The following ARHGEF10 variants were observed in gnomAD, a reference collection of about 807,000 sequenced individuals.
ARHGEF10 encodes the protein Rho guanine nucleotide exchange factor (GEF) 10.
Under a neutral mutation model 147.4 loss-of-function variants are expected in ARHGEF10, and 140 were observed. The observed-to-expected ratio is 0.95, with a 90% CI of 0.83 to 1.09. The LOEUF is 1.09. Among genes scored for constraint, ARHGEF10 ranks in the 50% least tolerant of loss-of-function variants. The pLI, the probability that ARHGEF10 is intolerant of heterozygous loss-of-function variation, is 0.00. For missense variants in ARHGEF10, 2,222 were observed against 1,752.7 expected, an observed-to-expected ratio of 1.27 and a Z score of -4.78; for synonymous variants, 902 against 695.8, an observed-to-expected ratio of 1.30 and a Z score of -4.67.
chr8:1,905,213 G>A (rs1370782248), intron 16 of ARHGEF10, among the ~76,000 whole-genome samples: 3 of 152,030 alleles, frequency 2.0e-5, no homozygotes, highest in African/African-American at 7.3e-5. Context: ...CTGAAGAACT[G>A]ATGGTTTTGC....
rs1810193682 is a variant in ARHGEF10, at chr8:1,898,455, A to G, written c.1580A>G (p.Asp527Gly). The G allele has an allele frequency of 3.1e-6, 5 of 1,613,914 alleles. No individual in the cohort carries two copies. The South Asian group carries it at 5.5e-5, about 18-fold the overall frequency. The change falls in exon 15 of 29, where the codon GAT becomes GGT. Residue 527 changes from aspartate (D) to glycine (G), a missense_variant. Coordinates refer to ENST00000349830, the MANE Select transcript of ARHGEF10 (RefSeq NM_014629.4). Reference sequence around the variant, plus strand: ...CAGCAGGAACAGGAGGCCAGCCCCGATCGAACCACGCTCTACAGCCTGATG... The same window carrying G: ...CAGCAGGAACAGGAGGCCAGCCCCGGTCGAACCACGCTCTACAGCCTGATG... ...FLKQEQEASP[D>G]RTTLYSLMMK...
chr8:1,928,470 C>G lies in ARHGEF10; in HGVS notation c.2741C>G (p.Ser914Trp). The change falls in exon 24 of 29, where the codon TCG (serine) becomes TGG (tryptophan). Residue 914 changes from serine to tryptophan, a missense_variant. By Grantham distance (177) the Ser-to-Trp change is radical (BLOSUM62 -3). Coordinates refer to ENST00000349830, the MANE Select transcript of ARHGEF10 (RefSeq NM_014629.4). ...THQMGQIAIV[S>W]FQNSTPKVIE... ...CAAATGGGTCAGATTGCCATCGTCT[C>G]GTTTCAAAATTCCACTCCCAAAGTC... The G allele has an allele frequency of 6.2e-7, 1 of 1,614,040 alleles. No homozygotes were observed. The highest frequency in any genetic ancestry group is 8.5e-7 in the Non-Finnish European group (1 of 1,180,000).
intron 19 of ARHGEF10, 74 bp downstream of exon 19, chr8:1,923,153 C>G: frequency 1.8e-6 from 2 of 1,117,590 alleles, no homozygotes; most frequent in Non-Finnish European, 2.7e-6. Flanking sequence ...ATTATATCTC[C>G]AAGTTCTACC....
intron 17 of ARHGEF10, among the ~76,000 whole-genome samples, chr8:1,906,675 A>C: frequency 6.6e-6 from 1 of 152,116 alleles, no homozygotes; most frequent in East Asian, 1.9e-4. Flanking sequence ...TGAACTCTGA[A>C]AATTACCCTC....
At chr8:1,875,697 A>G (rs1048213686) in intron 7 of ARHGEF10, among the ~76,000 whole-genome samples, 29 of 152,218 alleles carry the variant, frequency 1.9e-4, no homozygotes, top group African/African-American at 7.0e-4. Flanking sequence ...AGGATAGGGT[A>G]ATTTGAAATA....
chr8:1,898,220 G>A (rs965049355), intron 14 of ARHGEF10, among the ~76,000 whole-genome samples: 10 of 152,212 alleles, frequency 6.6e-5, no homozygotes, highest in Non-Finnish European at 1.2e-4. Context: ...AGGCCAACGT[G>A]TGAGGTCGGG....
chr8:1,888,173 G>A (rs118144551), intron 11 of ARHGEF10, among the ~76,000 whole-genome samples: 1 of 13,136 alleles, frequency 7.6e-5, no homozygotes, highest in African/African-American at 4.1e-4. Context: ...CGAGGAGACA[G>A]TGAGTGGGGT....
chr8:1,916,684 A>G (rs1235417805), intron 18 of ARHGEF10, among the ~76,000 whole-genome samples: 1 of 152,218 alleles, frequency 6.6e-6, no homozygotes, highest in East Asian at 1.9e-4. Context: ...TTTCCATGTT[A>G]GAAAACTACT....
chr8:1,957,078 C>G lies in ARHGEF10; in HGVS notation c.3850C>G (p.Leu1284Val), dbSNP rs1316944359. Residue 1284 changes from leucine to valine, a missense_variant, in exon 29 of 29, where the codon CTC (leucine) becomes GTC (valine). Coordinates refer to ENST00000349830, the MANE Select transcript of ARHGEF10 (RefSeq NM_014629.4). ...HRSEDSTIYDLLKDPVSLRSK... is the reference protein window; with the variant it reads ...HRSEDSTIYDVLKDPVSLRSK... ...ATCAGAGGACAGCACCATCTATGAT[C>G]TCCTGAAGGATCCTGTCTCGCTGAG... is the stretch of plus-strand genomic sequence containing the variant. The G allele has an allele frequency of 6.2e-7, 1 of 1,613,606 alleles. No homozygotes were observed. Among genetic ancestry groups the G allele is most frequent in the Non-Finnish European group, 8.5e-7 (1 of 1,180,034 alleles).
intron 2 of ARHGEF10, among the ~76,000 whole-genome samples, chr8:1,851,008 A>G (rs1398497808): frequency 6.8e-6 from 1 of 146,948 alleles, no homozygotes; most frequent in Non-Finnish European, 1.5e-5. Context: ...TTATACAGTA[A>G]CAAGCTCAGG....
intron 1 of ARHGEF10, among the ~76,000 whole-genome samples, chr8:1,827,307 A>T (rs894770940): frequency 6.6e-6 from 1 of 152,150 alleles, no homozygotes; most frequent in African/African-American, 2.4e-5. Flanking sequence ...AAATTTTGAT[A>T]AAAAAGTGAT....
chr8:1,849,076 G>A (rs1350979348), intron 2 of ARHGEF10, among the ~76,000 whole-genome samples: 1 of 152,156 alleles, frequency 6.6e-6, no homozygotes, highest in African/African-American at 2.4e-5. Flanking sequence ...CCTAGACACC[G>A]CTCCCCACCC....
In ARHGEF10 at chr8:1,928,552, G is replaced by A; in HGVS notation, c.2823G>A (p.Glu941=). ...RILCMLYVPV[E]EKRREPGAPP... is the part of the protein sequence containing the mutation. ...TGTGCATGCTGTACGTTCCCGTCGAGGAGAAGCGCAGAGAGCCTGGGGCAC... is the reference window on the plus strand; with the variant it reads ...TGTGCATGCTGTACGTTCCCGTCGAAGAGAAGCGCAGAGAGCCTGGGGCAC... The change falls in exon 24 of 29, where the codon GAG becomes GAA. Residue 941 remains glutamate (E), a synonymous_variant. Coordinates refer to ENST00000349830, the MANE Select transcript of ARHGEF10 (RefSeq NM_014629.4). 1 of 1,614,222 alleles carries A rather than the reference G, an allele frequency of 6.2e-7. No individual in the cohort carries two copies. Among genetic ancestry groups the A allele is most frequent in the Non-Finnish European group, 8.5e-7 (1 of 1,180,052 alleles).
chr8:1,829,105 G>T (rs1273238721), intron 1 of ARHGEF10, among the ~76,000 whole-genome samples: 2 of 152,238 alleles, frequency 1.3e-5, no homozygotes, highest in Admixed American at 6.5e-5. Flanking sequence ...CAACCAGCCC[G>T]GCCAGGCCGA....
chr8:1,911,691 G>A (rs1050202843), intron 18 of ARHGEF10, among the ~76,000 whole-genome samples: 8 of 152,110 alleles, frequency 5.3e-5, no homozygotes, highest in Admixed American at 1.3e-4. Flanking sequence ...TCTTGAGTGG[G>A]TCTATGTGGT....
At position 1,946,633 on chromosome 8, in the gene ARHGEF10, C is replaced by T. The variant is rs934719878; in HGVS notation, c.3397+978C>T. On this transcript the variant is annotated intron_variant, in intron 27 of 28. Coordinates refer to ENST00000349830, the MANE Select transcript of ARHGEF10 (RefSeq NM_014629.4). ...TCACGTCCCCAAAGCCCCGCCTCCT[C>T]GCACCATCCCACTGCGGGCAGGGCT... 5.3e-5 allele frequency among the ~76,000 whole-genome samples: 8 copies of T among 152,332 alleles called. No individual in the cohort carries two copies. In the East Asian group the frequency reaches 1.4e-3, roughly 26 times the overall value.
chr8:1,887,736 ATGAGGGTTTTGAGGAGACACGGAGTGGGG>A (rs1563232444), intron 11 of ARHGEF10, among the ~76,000 whole-genome samples: 1 of 131,608 alleles, frequency 7.6e-6, no homozygotes, highest in Non-Finnish European at 1.6e-5. Flanking sequence ...GCTAGATGGG[ATGAGGGTTTTGAGGAGACACGGAGTGGGG>A]TGAGGGTTGT....
At chr8:1,939,122 T>A (rs568524236) in intron 26 of ARHGEF10, among the ~76,000 whole-genome samples, 1 of 152,044 alleles carries the variant, frequency 6.6e-6, no homozygotes, top group Non-Finnish European at 1.5e-5. Flanking sequence ...CCCCGGAGAC[T>A]CCTGAACACT....
intron 18 of ARHGEF10, among the ~76,000 whole-genome samples, chr8:1,917,741 T>G (rs1227840468): frequency 6.6e-6 from 1 of 152,148 alleles, no homozygotes; most frequent in Non-Finnish European, 1.5e-5. Flanking sequence ...TAACAAAAAT[T>G]CTGATTTGCA....
Sources: allele counts gnomAD v4.1 joint callset (sites outside exome capture counted in the v4.1 genomes callset), GRCh38; gene constraint gnomAD v4.1.1; transcripts MANE v1.5; gene names NCBI Gene and HGNC (gene_info 2026-07-23, HGNC 2026-07-21).